Variants in SMYD1 observed in about 807,000 individuals in gnomAD.
SMYD1 encodes the protein histone-lysine N-methyltransferase SMYD1.
Under a neutral mutation model 54.0 loss-of-function variants are expected in SMYD1, and 49 were observed. That is an observed-to-expected ratio of 0.91 (90% CI 0.72 to 1.15). The LOEUF is 1.15. Among genes scored for constraint, SMYD1 ranks in the 50% most tolerant of loss-of-function variants. The pLI is 0.00. For synonymous variants in SMYD1, 269 were observed against 234.2 expected (o/e 1.15, Z -1.36); for missense variants, 653 against 639.6 (o/e 1.02, Z -0.23).
At chr2:88,071,116 G>A (rs562160680) in intron 1 of SMYD1, among the ~76,000 whole-genome samples, 1 of 152,148 alleles carries the variant, frequency 6.6e-6, no homozygotes, top group Non-Finnish European at 1.5e-5. Context: ...TCATCTGTAT[G>A]GTTTTGTGAA....
chr2:88,075,843 C>A lies in SMYD1; in HGVS notation c.137+7842C>A, dbSNP rs184054062. Among the ~76,000 whole-genome samples, 7 of 152,136 alleles carry A rather than the reference C, an allele frequency of 4.6e-5. No individual in the cohort carries two copies. In the East Asian group the frequency reaches 1.4e-3, roughly 29 times the overall value. On this transcript the variant is annotated intron_variant, in intron 1 of 9. Transcript: ENST00000419482. ...CAGGTGTAAGCCACTACCCCAGCCC[C>A]CACTGACTTCTTATGTCAAGGTATT...
chr2:88,110,856 T>C lies in SMYD1; in HGVS notation c.*344T>C, dbSNP rs1675005067. 2 of 196,980 alleles carry C rather than the reference T, an allele frequency of 1.0e-5. No individual in the cohort carries two copies. Among genetic ancestry groups the C allele is most frequent in the South Asian group, 2.3e-4 (2 of 8,628 alleles). The allele number at this position is 196,980 out of a possible 1,614,324, so 12.2% of individuals were successfully genotyped here. A position where few individuals can be genotyped will look rare whatever the true frequency, so the allele number is the denominator to read the frequency against. On this transcript the variant is annotated 3_prime_UTR_variant, in exon 10 of 10. Coordinates refer to ENST00000419482, the MANE Select transcript of SMYD1 (RefSeq NM_198274.4). Reference sequence around the variant, plus strand: ...ATAATAAATGCAATTATAAACTATATGGAGGAGGGTGCAGAGGAGGGAATG... The same window carrying C: ...ATAATAAATGCAATTATAAACTATACGGAGGAGGGTGCAGAGGAGGGAATG...
At chr2:88,099,813 C>T (rs893017437) in intron 6 of SMYD1, among the ~76,000 whole-genome samples, 1 of 152,132 alleles carries the variant, frequency 6.6e-6, no homozygotes, top group African/African-American at 2.4e-5. Flanking sequence ...TACCCCTTCT[C>T]CTTCCTCTTT....
At chr2:88,079,188 T>C (rs1264218003) in intron 1 of SMYD1, among the ~76,000 whole-genome samples, 1 of 152,226 alleles carries the variant, frequency 6.6e-6, no homozygotes, top group Non-Finnish European at 1.5e-5. Flanking sequence ...CAATCTTGGG[T>C]GAAGGCTGCT....
intron 6 of SMYD1, among the ~76,000 whole-genome samples, chr2:88,098,071 G>T (rs142674681): frequency 9.6e-4 from 146 of 152,292 alleles, no homozygotes; most frequent in African/African-American, 3.3e-3. Context: ...CTACAGAAAA[G>T]AATTTGTTAT....
At chr2:88,105,910 C>T (rs1297211189) in intron 7 of SMYD1, among the ~76,000 whole-genome samples, 1 of 151,766 alleles carries the variant, frequency 6.6e-6, no homozygotes, top group Non-Finnish European at 1.5e-5. Flanking sequence ...TGCACTTCAG[C>T]CTGGGCAATG....
chr2:88,068,420 A>G (rs897940823), intron 1 of SMYD1, among the ~76,000 whole-genome samples: 1 of 152,210 alleles, frequency 6.6e-6, no homozygotes, highest in African/African-American at 2.4e-5. Context: ...CTATTTGTAT[A>G]TTTATAATTA....
At chr2:88,101,175 A>G (rs928343049) in intron 6 of SMYD1, among the ~76,000 whole-genome samples, 1 of 152,208 alleles carries the variant, frequency 6.6e-6, no homozygotes, top group Non-Finnish European at 1.5e-5. Flanking sequence ...AGGGGGATAC[A>G]TTTTCATTGG....
At chr2:88,109,752 G>A (rs573657091) in intron 9 of SMYD1, among the ~76,000 whole-genome samples, 3 of 152,306 alleles carry the variant, frequency 2.0e-5, no homozygotes, top group African/African-American at 7.2e-5. Flanking sequence ...AAATTGGCAG[G>A]AGGACCAAGT....
chr2:88,085,743 G>A lies in SMYD1; in HGVS notation c.314+1251G>A, dbSNP rs544822372. On this transcript the variant is annotated intron_variant, in intron 2 of 9. Coordinates refer to ENST00000419482, the MANE Select transcript of SMYD1 (RefSeq NM_198274.4). Reference sequence around the variant, plus strand: ...AGGCAGCAGATCTTCCCTGTGCTGAGTCGTATTTTCCCCAGTGCTGCCCTG... The same window carrying A: ...AGGCAGCAGATCTTCCCTGTGCTGAATCGTATTTTCCCCAGTGCTGCCCTG... Among the ~76,000 whole-genome samples, 8 of 152,300 alleles carry A rather than the reference G, an allele frequency of 5.3e-5. No individual in the cohort carries two copies. In the South Asian group the frequency reaches 1.7e-3, roughly 32 times the overall value.
intron 4 of SMYD1, among the ~76,000 whole-genome samples, chr2:88,091,670 T>TA (rs1327018655): frequency 1.3e-5 from 2 of 152,130 alleles, no homozygotes; most frequent in African/African-American, 4.8e-5. Flanking sequence ...AACACAGTGA[T>TA]ACCCCCGTAT....
At chr2:88,085,993 G>C (rs934579022) in intron 2 of SMYD1, among the ~76,000 whole-genome samples, 2 of 152,212 alleles carry the variant, frequency 1.3e-5, no homozygotes, top group African/African-American at 4.8e-5. Context: ...GGGGACAGAA[G>C]GGACCCTGAG....
chr2:88,080,936 T>G (rs1185709460), intron 1 of SMYD1, among the ~76,000 whole-genome samples: 1 of 151,028 alleles, frequency 6.6e-6, no homozygotes, highest in Non-Finnish European at 1.5e-5. Flanking sequence ...GGAGTCTCAC[T>G]GTGTTGCCCA....
At position 88,089,596 on chromosome 2, in the gene SMYD1, T is replaced by G. The variant is rs930682801; in HGVS notation, c.529-1416T>G. On this transcript the variant is annotated intron_variant, in intron 3 of 9. Coordinates refer to ENST00000419482, the MANE Select transcript of SMYD1 (RefSeq NM_198274.4). ...CAGAGCTTCTACCTGTTTTTTTTTT[T>G]TTTTTTTTTTTTTGAGATGAGGGTC... Among the ~76,000 whole-genome samples, 19 of 145,314 alleles carry G rather than the reference T, an allele frequency of 1.3e-4. No individual in the cohort carries two copies. In the East Asian group the frequency reaches 3.4e-3, roughly 26 times the overall value.
intron 1 of SMYD1, among the ~76,000 whole-genome samples, chr2:88,073,471 T>C (rs1230248076): frequency 2.0e-5 from 3 of 152,228 alleles, no homozygotes; most frequent in Non-Finnish European, 2.9e-5. Context: ...TTTTAGTTTT[T>C]TGAGAACTCT....
At chr2:88,097,926 C>T (rs562157783) in intron 6 of SMYD1, among the ~76,000 whole-genome samples, 47 of 152,218 alleles carry the variant, frequency 3.1e-4, no homozygotes, top group African/African-American at 1.1e-3. Context: ...CCCTCCCAGG[C>T]AGAGACAAAG....
intron 6 of SMYD1, among the ~76,000 whole-genome samples, chr2:88,100,473 A>G (rs567259448): frequency 6.6e-6 from 1 of 152,218 alleles, no homozygotes; most frequent in Non-Finnish European, 1.5e-5. Context: ...TAGAATTTAC[A>G]GTAGATTAGA....
intron 6 of SMYD1, among the ~76,000 whole-genome samples, chr2:88,098,401 T>G (rs1674650078): frequency 6.6e-6 from 1 of 152,132 alleles, no homozygotes; most frequent in African/African-American, 2.4e-5. Context: ...CACACACATC[T>G]CCAGTATGAA....
At chr2:88,109,520 T>A (rs1674962036) in intron 9 of SMYD1, among the ~76,000 whole-genome samples, 1 of 152,158 alleles carries the variant, frequency 6.6e-6, no homozygotes, top group African/African-American at 2.4e-5. Flanking sequence ...TGGCAAATGG[T>A]GCTGCTGATG....
Sources: allele counts gnomAD v4.1 joint callset (sites outside exome capture counted in the v4.1 genomes callset), GRCh38; gene constraint gnomAD v4.1.1; transcripts MANE v1.5; gene names NCBI Gene and HGNC (gene_info 2026-07-23, HGNC 2026-07-21).